Variants in FOXO3 observed in about 807,000 individuals in gnomAD.
FOXO3 encodes the protein forkhead box O3.
Under a neutral mutation model 41.9 loss-of-function variants are expected in FOXO3, and 4 were observed. The ratio of observed to expected loss-of-function variants is 0.10; its 90% CI spans 0.05 to 0.22. FOXO3 has a LOEUF of 0.22. Among genes scored for constraint, FOXO3 ranks in the 10% least tolerant of loss-of-function variants. The pLI is 1.00. For synonymous variants in FOXO3, 318 were observed against 389.3 expected, an observed-to-expected ratio of 0.82 and a Z score of 2.16; for missense variants, 534 against 906.8, an observed-to-expected ratio of 0.59 and a Z score of 5.28.
intron 1 of FOXO3, among the ~76,000 whole-genome samples, chr6:108,604,170 CTT>C (rs1777129158): frequency 6.6e-6 from 1 of 152,106 alleles, no homozygotes; most frequent in Non-Finnish European, 1.5e-5. Flanking sequence ...GAGAAACCAA[CTT>C]TTTACTCTTA....
chr6:108,611,312 A>C (rs1267500734), intron 1 of FOXO3, among the ~76,000 whole-genome samples: 1 of 152,224 alleles, frequency 6.6e-6, no homozygotes, highest in East Asian at 1.9e-4. Flanking sequence ...GTTATGAATA[A>C]AACTGCTATT....
In FOXO3 at chr6:108,664,024, G is replaced by A. The variant is rs745628720; in HGVS notation, c.1191G>A (p.Pro397=). Residue 397 remains proline, a synonymous_variant, in exon 2 of 3, where the codon CCG becomes CCA. Coordinates refer to ENST00000406360, the MANE Select transcript of FOXO3 (RefSeq NM_001455.4). ...MDDLLDNITL[P]PSQPSPTGGL... ...ACCTGCTGGATAACATCACGCTCCCGCCATCCCAGCCATCGCCCACTGGGG... is the reference window on the plus strand; with the variant it reads ...ACCTGCTGGATAACATCACGCTCCCACCATCCCAGCCATCGCCCACTGGGG... 2.5e-5 allele frequency: 40 copies of A among 1,613,932 alleles called. No homozygotes were observed. The highest frequency in any genetic ancestry group is 3.1e-5 in the Non-Finnish European group (37 of 1,179,994).
At chr6:108,608,301 T>C (rs1777265823) in intron 1 of FOXO3, among the ~76,000 whole-genome samples, 1 of 152,220 alleles carries the variant, frequency 6.6e-6, no homozygotes, top group Non-Finnish European at 1.5e-5. Flanking sequence ...AGTGACGCTC[T>C]CACTTTATTT....
intron 1 of FOXO3, among the ~76,000 whole-genome samples, chr6:108,622,779 G>C (rs184527729): frequency 6.6e-6 from 1 of 152,084 alleles, no homozygotes; most frequent in Non-Finnish European, 1.5e-5. Flanking sequence ...TCTGAGCAAG[G>C]GTGGCAGCAG....
At chr6:108,625,245 A>G (rs1471380680) in intron 1 of FOXO3, among the ~76,000 whole-genome samples, 1 of 152,200 alleles carries the variant, frequency 6.6e-6, no homozygotes, top group Non-Finnish European at 1.5e-5. Context: ...TTATCTTAAT[A>G]ATTGTTATGT....
Position 108,561,481 on chromosome 6 carries a change from G to C in FOXO3, c.273G>C (p.Gly91=). 1.3e-6 allele frequency: 2 copies of C among 1,512,164 alleles called. No homozygotes were observed. The highest frequency in any genetic ancestry group is 8.8e-7 in the Non-Finnish European group (1 of 1,133,934). The allele number at this position is 1,512,164 out of a possible 1,614,324, so 93.7% of individuals were successfully genotyped here. The part of the protein sequence containing the change: ...GGGGSGTLGS[G]LLLEDSARVL... Reference sequence around the variant, plus strand: ...GCGGGAGCGGCACGCTGGGCTCCGGGCTGCTCCTTGAGGACTCGGCCCGGG... The same window carrying C: ...GCGGGAGCGGCACGCTGGGCTCCGGCCTGCTCCTTGAGGACTCGGCCCGGG... Residue 91 remains glycine (G), a synonymous_variant, in exon 1 of 3, where the codon GGG becomes GGC. Transcript: ENST00000406360.
chr6:108,654,715 A>C (rs1026199662), intron 1 of FOXO3, among the ~76,000 whole-genome samples: 2 of 151,714 alleles, frequency 1.3e-5, no homozygotes, highest in African/African-American at 4.8e-5. Context: ...AGTTCCCAAC[A>C]ATGTTTACTT....
intron 1 of FOXO3, among the ~76,000 whole-genome samples, chr6:108,627,371 G>C (rs919679742): frequency 3.3e-5 from 5 of 152,134 alleles, no homozygotes; most frequent in African/African-American, 1.2e-4. Flanking sequence ...TCATAATACT[G>C]ATGGCTGAAT....
At chr6:108,626,249 A>AT (rs1051686693) in intron 1 of FOXO3, among the ~76,000 whole-genome samples, 1 of 152,224 alleles carries the variant, frequency 6.6e-6, no homozygotes, top group Admixed American at 6.5e-5. Context: ...CAGGTAAGGC[A>AT]TATCAGTTGG....
chr6:108,667,311 T>C (rs1370187820), intron 2 of FOXO3, among the ~76,000 whole-genome samples: 2 of 152,230 alleles, frequency 1.3e-5, no homozygotes, highest in Non-Finnish European at 2.9e-5. Flanking sequence ...AAGACTAGTT[T>C]GTCTTCCTTT....
intron 1 of FOXO3, among the ~76,000 whole-genome samples, chr6:108,586,941 ATTAT>A (rs1471727248): frequency 4.2e-4 from 9 of 21,260 alleles, no homozygotes; most frequent in Admixed American, 8.0e-4. Flanking sequence ...CGTAAATATT[ATTAT>A]TATTATTATT....
chr6:108,592,819 C>T (rs746812466), intron 1 of FOXO3, among the ~76,000 whole-genome samples: 6 of 152,098 alleles, frequency 3.9e-5, no homozygotes, highest in African/African-American at 7.2e-5. Flanking sequence ...CTCTGAGAAG[C>T]CATTGGTTGG....
chr6:108,675,513 A>C (rs1239965275), intron 2 of FOXO3, among the ~76,000 whole-genome samples: 1 of 152,212 alleles, frequency 6.6e-6, no homozygotes, highest in Non-Finnish European at 1.5e-5. Flanking sequence ...GTCTTCCTGG[A>C]GTCCATGTGA....
In FOXO3 at chr6:108,626,839, A is replaced by C. The variant is rs564221832; in HGVS notation, c.622-36616A>C. Among the ~76,000 whole-genome samples the C allele has an allele frequency of 5.9e-5, 9 of 152,354 alleles. No individual in the cohort carries two copies. The South Asian group carries it at 1.4e-3, about 25-fold the overall frequency. On this transcript the variant is annotated intron_variant, in intron 1 of 2. Transcript: ENST00000406360. ...AACCAGGGTATTTTCCTAAGGTTTA[A>C]CATTGGAAGTGGTATGTGAGCTGAG...
chr6:108,672,053 C>T (rs762904691), intron 2 of FOXO3, among the ~76,000 whole-genome samples: 1 of 152,192 alleles, frequency 6.6e-6, no homozygotes, highest in Non-Finnish European at 1.5e-5. Context: ...GATGCCCCAC[C>T]CTGCTCTTTT....
chr6:108,592,083 T>C (rs1040631342), intron 1 of FOXO3, among the ~76,000 whole-genome samples: 4 of 152,182 alleles, frequency 2.6e-5, no homozygotes, highest in East Asian at 1.9e-4. Flanking sequence ...AACTAACTTA[T>C]GGCAACAGGA....
intron 1 of FOXO3, among the ~76,000 whole-genome samples, chr6:108,649,582 T>C (rs1326293615): frequency 7.1e-6 from 1 of 141,386 alleles, no homozygotes; most frequent in African/African-American, 2.7e-5. Flanking sequence ...TGGAATGCAG[T>C]GACATGATCT....
chr6:108,560,674 G>A (rs1381828222), upstream of FOXO3, among the ~76,000 whole-genome samples: 1 of 152,114 alleles, frequency 6.6e-6, no homozygotes, highest in Non-Finnish European at 1.5e-5. Context: ...GAGCGGGCCC[G>A]AGCGAAACAT....
At chr6:108,656,963 A>G (rs527998901) in intron 1 of FOXO3, among the ~76,000 whole-genome samples, 1 of 152,296 alleles carries the variant, frequency 6.6e-6, no homozygotes, top group Admixed American at 6.5e-5. Context: ...CAAACAAAGG[A>G]ATCTCTAGGC....
Sources: allele counts gnomAD v4.1 joint callset (sites outside exome capture counted in the v4.1 genomes callset), GRCh38; gene constraint gnomAD v4.1.1; transcripts MANE v1.5; gene names NCBI Gene and HGNC (gene_info 2026-07-23, HGNC 2026-07-21).